The following SOX5 variants were observed in gnomAD, a reference collection of about 807,000 sequenced individuals.
The protein encoded by SOX5 is SRY-box transcription factor 5.
In SOX5, 9 loss-of-function variants were observed where a neutral mutation model predicts 92.0. The ratio of observed to expected loss-of-function variants is 0.10; its 90% confidence interval spans 0.06 to 0.17. The LOEUF (loss-of-function observed/expected upper bound fraction) is 0.17, where lower values mean the gene tolerates loss of function less well. SOX5 is among the 10% of genes least tolerant of loss of function. The pLI, the probability that SOX5 is intolerant of heterozygous loss-of-function variation, is 1.00. For synonymous variants in SOX5, 344 were observed against 336.3 expected, an observed-to-expected ratio of 1.02 and a Z score of -0.25; for missense variants, 642 against 944.5, an observed-to-expected ratio of 0.68 and a Z score of 4.20.
intron 2 of SOX5, among the ~76,000 whole-genome samples, chr12:24,338,437 A>C (rs1952162959): frequency 6.6e-6 from 1 of 152,190 alleles, no homozygotes; most frequent in Admixed American, 6.5e-5. Flanking sequence ...GCGAAAAATA[A>C]AGTGAAATGT....
At chr12:24,358,259 A>C (rs1424419969) in intron 2 of SOX5, among the ~76,000 whole-genome samples, 3 of 152,206 alleles carry the variant, frequency 2.0e-5, no homozygotes, top group African/African-American at 7.2e-5. Flanking sequence ...TAATTAGCAA[A>C]ATTGCTAAAA....
intron 1 of SOX5, among the ~76,000 whole-genome samples, chr12:24,445,529 C>T (rs950706683): frequency 1.1e-4 from 17 of 152,002 alleles, no homozygotes; most frequent in African/African-American, 3.4e-4. Flanking sequence ...AAACAGGTAA[C>T]GCAAGGAATA....
chr12:23,895,717 G>T, intron 2 of SOX5, 76 bp downstream of exon 2: 1 of 979,558 alleles, frequency 1.0e-6, no homozygotes, highest in Non-Finnish European at 1.6e-6. Flanking sequence ...ATAAAGCAAA[G>T]GACTGAGGCC....
intron 7 of SOX5, among the ~76,000 whole-genome samples, chr12:23,656,015 T>A (rs1593000372): frequency 6.6e-6 from 1 of 152,078 alleles, no homozygotes; most frequent in Non-Finnish European, 1.5e-5. Flanking sequence ...CATATACTCA[T>A]CCCATCCACA....
chr12:24,449,190 C>G (rs1348015446), intron 1 of SOX5, among the ~76,000 whole-genome samples: 1 of 152,130 alleles, frequency 6.6e-6, no homozygotes. Context: ...ACCTCCTTAC[C>G]CCTTCTTACA....
intron 9 of SOX5, among the ~76,000 whole-genome samples, chr12:23,591,960 T>TAC (rs1462559339): frequency 1.3e-5 from 2 of 152,164 alleles, no homozygotes; most frequent in Non-Finnish European, 1.5e-5. Flanking sequence ...ATGAAATATC[T>TAC]ACACTGCCAA....
At chr12:24,371,195 A>T (rs1194951225) in intron 1 of SOX5, among the ~76,000 whole-genome samples, 1 of 152,248 alleles carries the variant, frequency 6.6e-6, no homozygotes, top group Non-Finnish European at 1.5e-5. Context: ...CAGAATAGAA[A>T]GTACACATGG....
intron 1 of SOX5, among the ~76,000 whole-genome samples, chr12:24,513,030 A>G (rs888022234): frequency 6.6e-6 from 1 of 152,180 alleles, no homozygotes; most frequent in African/African-American, 2.4e-5. Flanking sequence ...ATCTTTTCTC[A>G]TGCTACTGAT....
intron 1 of SOX5, among the ~76,000 whole-genome samples, chr12:23,948,309 C>A (rs964682412): frequency 1.3e-5 from 2 of 151,844 alleles, no homozygotes; most frequent in African/African-American, 4.8e-5. Flanking sequence ...TGATTTGATA[C>A]TGGCTTTTCT....
At chr12:24,522,502 G>A (rs1038419974) in intron 1 of SOX5, among the ~76,000 whole-genome samples, 1 of 152,042 alleles carries the variant, frequency 6.6e-6, no homozygotes, top group Non-Finnish European at 1.5e-5. Flanking sequence ...TATCTTTGAT[G>A]AATACAGATA....
At chr12:23,713,913 G>T (rs1371904493) in intron 6 of SOX5, among the ~76,000 whole-genome samples, 1 of 151,102 alleles carries the variant, frequency 6.6e-6, no homozygotes, top group African/African-American at 2.4e-5. Context: ...CCAACATGGC[G>T]AAACCCCTTC....
chr12:24,220,676 C>G (rs568817276), intron 3 of SOX5, among the ~76,000 whole-genome samples: 23 of 152,260 alleles, frequency 1.5e-4, no homozygotes, highest in Non-Finnish European at 2.8e-4. Flanking sequence ...CTGGTGCACC[C>G]CATCCAATTG....
intron 5 of SOX5, among the ~76,000 whole-genome samples, chr12:23,736,243 C>A (rs759703861): frequency 6.6e-6 from 1 of 151,816 alleles, no homozygotes; most frequent in African/African-American, 2.4e-5. Flanking sequence ...GGGTGGATCA[C>A]GAGGTCAGGA....
At chr12:24,494,511 T>C (rs1947416381) in intron 1 of SOX5, among the ~76,000 whole-genome samples, 2 of 152,188 alleles carry the variant, frequency 1.3e-5, no homozygotes, top group Non-Finnish European at 2.9e-5. Flanking sequence ...AACTAAGATA[T>C]GGAAAGGTTA....
chr12:23,537,323 TTCTA>T (rs1351628167), intron 13 of SOX5, among the ~76,000 whole-genome samples: 1 of 152,180 alleles, frequency 6.6e-6, no homozygotes, highest in Admixed American at 6.5e-5. Context: ...GAGACAGCAT[TTCTA>T]TCTATTTTCA....
At chr12:24,468,830 C>T (rs1944490748) in intron 1 of SOX5, among the ~76,000 whole-genome samples, 3 of 152,082 alleles carry the variant, frequency 2.0e-5, no homozygotes, top group African/African-American at 7.2e-5. Context: ...ATTTTTACAT[C>T]AACAGTCACC....
chr12:24,181,414 A>G (rs1955485182), intron 4 of SOX5, among the ~76,000 whole-genome samples: 1 of 152,188 alleles, frequency 6.6e-6, no homozygotes, highest in Non-Finnish European at 1.5e-5. Flanking sequence ...ATCTAAATGA[A>G]TGACTGAATG....
chr12:23,533,735 GAAAGAA>G lies in SOX5; in HGVS notation c.*478_*483del, dbSNP rs986494111. On this transcript the variant is annotated 3_prime_UTR_variant, in exon 15 of 15. Transcript: ENST00000451604. ...GCATTACAAAGAAAAAAAATGAAAG[GAAAGAA>G]AAAGAAAAGGAAAAAACCCAGAAAC... 13 of 151,238 alleles carry G rather than the reference GAAAGAA, an allele frequency of 8.6e-5. No individual in the cohort carries two copies. Among genetic ancestry groups the G allele is most frequent in the African/African-American group, 2.2e-4 (9 of 41,280 alleles). 9.4% of individuals were successfully genotyped at this position (151,238 alleles called of 1,614,324 possible). A position where few individuals can be genotyped will look rare whatever the true frequency, so the allele number is the denominator to read the frequency against.
intron 1 of SOX5, among the ~76,000 whole-genome samples, chr12:24,525,249 C>A (rs962300583): frequency 3.3e-5 from 5 of 152,142 alleles, no homozygotes; most frequent in Non-Finnish European, 7.4e-5. Flanking sequence ...CATAAATGAA[C>A]CTTAAGCACA....
Sources: allele counts gnomAD v4.1 joint callset (sites outside exome capture counted in the v4.1 genomes callset), GRCh38; gene constraint gnomAD v4.1.1; transcripts MANE v1.5; gene names NCBI Gene and HGNC (gene_info 2026-07-23, HGNC 2026-07-21).